Variants in CNOT2 observed in about 807,000 individuals in gnomAD.
CNOT2 encodes the protein CCR4-NOT transcription complex subunit 2.
Under a neutral mutation model 72.1 loss-of-function variants are expected in CNOT2, and 7 were observed. The observed-to-expected ratio is 0.10, with a 90% confidence interval of 0.06 to 0.18. The LOEUF (loss-of-function observed/expected upper bound fraction) is 0.18, where lower values mean the gene tolerates loss of function less well. CNOT2 is among the 10% of genes least tolerant of loss of function. The probability of loss-of-function intolerance (pLI) is 1.00; values close to 1 mark genes in which losing one functional copy is unlikely to be tolerated. For missense variants in CNOT2, 345 were observed against 660.3 expected, an observed-to-expected ratio of 0.52 and a Z score of 5.23; for synonymous variants, 196 against 225.6, an observed-to-expected ratio of 0.87 and a Z score of 1.17.
At chr12:70,278,392 G>T in intron 2 of CNOT2, 118 bp downstream of exon 2, 1 of 598,520 alleles carries the variant, frequency 1.7e-6, no homozygotes. Flanking sequence ...TGAAAATTTG[G>T]GTTTATAATT....
intron 11 of CNOT2, 48 bp downstream of exon 11, chr12:70,338,870 C>A: frequency 6.7e-7 from 1 of 1,486,334 alleles, no homozygotes; most frequent in Non-Finnish European, 9.3e-7. Context: ...CCTCTTCAGA[C>A]TTCCAGTTTT....
intron 1 of CNOT2, among the ~76,000 whole-genome samples, chr12:70,268,870 A>G (rs1959167690): frequency 6.6e-6 from 1 of 152,166 alleles, no homozygotes; most frequent in Admixed American, 6.5e-5. Context: ...GGCATTTGGA[A>G]TGTTTATACA....
At chr12:70,249,304 G>T (rs890179680) in intron 1 of CNOT2, among the ~76,000 whole-genome samples, 4 of 151,826 alleles carry the variant, frequency 2.6e-5, no homozygotes. Context: ...CCAAGCACCT[G>T]ACTACTTTTG....
chr12:70,299,491 G>A (rs185407962), intron 2 of CNOT2, among the ~76,000 whole-genome samples: 1 of 150,024 alleles, frequency 6.7e-6, no homozygotes, highest in Non-Finnish European at 1.5e-5. Flanking sequence ...TTTTGTCCTT[G>A]CGATAGTTTG....
At chr12:70,303,551 C>A (rs1338529667) in intron 2 of CNOT2, among the ~76,000 whole-genome samples, 6 of 152,224 alleles carry the variant, frequency 3.9e-5, no homozygotes, top group Non-Finnish European at 8.8e-5. Flanking sequence ...GGTCCCCACT[C>A]TCTTCTGGCT....
intron 3 of CNOT2, among the ~76,000 whole-genome samples, chr12:70,316,810 C>G (rs1442968899): frequency 6.6e-6 from 1 of 152,130 alleles, no homozygotes; most frequent in African/African-American, 2.4e-5. Flanking sequence ...TCCCTACTTA[C>G]TCCCTCCTCC....
chr12:70,266,031 A>G (rs921330919), intron 1 of CNOT2, among the ~76,000 whole-genome samples: 1 of 149,908 alleles, frequency 6.7e-6, no homozygotes, highest in Non-Finnish European at 1.5e-5. Flanking sequence ...AAGAACTAAG[A>G]TGCAACTAAT....
chr12:70,293,161 CT>C (rs201732291), intron 2 of CNOT2, among the ~76,000 whole-genome samples: 14,788 of 136,148 alleles, frequency 0.11, 864 homozygotes, highest in East Asian at 0.18. Context: ...GATTTCATAT[CT>C]TTTTTTTTTT....
At chr12:70,321,368 G>A (rs569126608) in intron 4 of CNOT2, among the ~76,000 whole-genome samples, 1 of 151,812 alleles carries the variant, frequency 6.6e-6, no homozygotes, top group Non-Finnish European at 1.5e-5. Context: ...AGGCCAAATA[G>A]GTCATTCAGC....
chr12:70,322,162 A>G (rs1878402247), intron 4 of CNOT2: 3 of 151,846 alleles, frequency 2.0e-5, no homozygotes, highest in Admixed American at 2.0e-4. Context: ...AACTACATAT[A>G]ACAAAACCAA....
At chr12:70,262,795 TC>T (rs1958842780) in intron 1 of CNOT2, among the ~76,000 whole-genome samples, 1 of 152,122 alleles carries the variant, frequency 6.6e-6, no homozygotes, top group Non-Finnish European at 1.5e-5. Context: ...TGCCTCAGCC[TC>T]CAGAGTATCT....
At chr12:70,305,359 AC>A (rs1318508540) in intron 2 of CNOT2, among the ~76,000 whole-genome samples, 6 of 152,134 alleles carry the variant, frequency 3.9e-5, no homozygotes, top group Non-Finnish European at 7.4e-5. Context: ...CACAGGAAAT[AC>A]CCGCCTTCAT....
intron 2 of CNOT2, among the ~76,000 whole-genome samples, chr12:70,304,147 A>G (rs1320670347): frequency 2.6e-5 from 4 of 151,370 alleles, no homozygotes; most frequent in East Asian, 3.9e-4. Context: ...CATTGGTTCG[A>G]ACTTCCTCCT....
chr12:70,249,505 CAG>C (rs947284493), intron 1 of CNOT2, among the ~76,000 whole-genome samples: 16 of 151,880 alleles, frequency 1.1e-4, no homozygotes, highest in African/African-American at 3.6e-4. Flanking sequence ...AGACTGGACT[CAG>C]AGTCTAATTT....
At chr12:70,323,117 T>G (rs1878553833) in intron 4 of CNOT2, 1 of 151,586 alleles carries the variant, frequency 6.6e-6, no homozygotes, top group South Asian at 2.1e-4. Context: ...ATGGAAAAAC[T>G]TCAAAAAGCA....
Position 70,310,981 on chromosome 12 carries a change from C to T in CNOT2, c.135C>T (p.Ser45=). ...ACCATGACGAAAACATGTACTACAGCCAGTCTTCTATGTTTCCACATCGGT... is the reference window on the plus strand; with the variant it reads ...ACCATGACGAAAACATGTACTACAGTCAGTCTTCTATGTTTCCACATCGGT... ...SDYHDENMYY[S]QSSMFPHRSE... The change falls in exon 3 of 16, where the codon AGC becomes AGT. Residue 45 remains serine, a synonymous_variant. Coordinates refer to ENST00000229195, the MANE Select transcript of CNOT2 (RefSeq NM_014515.7). 6.3e-7 allele frequency: 1 copy of T among 1,597,718 alleles called. No individual in the cohort carries two copies. Among genetic ancestry groups the T allele is most frequent in the Non-Finnish European group, 8.6e-7 (1 of 1,165,668 alleles).
At position 70,335,469 on chromosome 12, in the gene CNOT2, T is replaced by G; in HGVS notation, c.681T>G (p.Leu227=). The G allele has an allele frequency of 6.2e-7, 1 of 1,605,548 alleles. No homozygotes were observed. The change falls in exon 8 of 16, where the codon CTT becomes CTG. Residue 227 remains leucine, a synonymous_variant. Transcript: ENST00000229195. ...GTGAAAATGTGACAGGATTGGACCT[T>G]TCAGATTTCCCAGCATTAGCAGACC... The part of the protein sequence containing the change: ...DGSENVTGLD[L]SDFPALADRN...
chr12:70,335,401 G>A, intron 7 of CNOT2, 37 bp from the exon 8 acceptor site: 4 of 1,471,796 alleles, frequency 2.7e-6, no homozygotes, highest in African/African-American at 2.8e-5. Flanking sequence ...AAAAATATTT[G>A]TAGAATCAAT....
rs369045544 is a variant in CNOT2 at position 70,299,531 on chromosome 12, C to T, written c.49-11364C>T. Among the ~76,000 whole-genome samples, 5 of 152,102 alleles carry T rather than the reference C, an allele frequency of 3.3e-5. No homozygotes were observed. In the South Asian group the frequency reaches 6.2e-4, roughly 19 times the overall value. On this transcript the variant is annotated intron_variant, in intron 2 of 15. Transcript: ENST00000229195. ...GAATAATGGTTTCCAGCTTCATCCA[C>T]GTCCCTACAAAGGACATGAACTCAT...
Sources: gnomAD v4.1 joint callset for allele counts (sites outside exome capture counted in the v4.1 genomes callset) on GRCh38, gnomAD v4.1.1 for gene constraint, MANE v1.5 for transcripts, NCBI Gene and HGNC (gene_info 2026-07-23, HGNC 2026-07-21) for gene names.